IFT43: variants seen among roughly 807,000 people sequenced by gnomAD.
IFT43 encodes the protein intraflagellar transport 43.
Under a neutral mutation model 32.3 loss-of-function variants are expected in IFT43, and 33 were observed. That is an observed-to-expected ratio of 1.02 (90% CI 0.77 to 1.37). The LOEUF is 1.37. IFT43 is among the 40% of genes most tolerant of loss of function. IFT43 has a pLI of 0.00. For missense variants in IFT43, 274 were observed against 265.9 expected (o/e 1.03, Z -0.21); for synonymous variants, 93 against 98.2 (o/e 0.95, Z 0.31).
chr14:76,060,036 G>A (rs1437386246), intron 5 of IFT43, among the ~76,000 whole-genome samples: 1 of 152,172 alleles, frequency 6.6e-6, no homozygotes, highest in Non-Finnish European at 1.5e-5. Flanking sequence ...GTGACGCATA[G>A]TAGTTAGTTA....
chr14:76,023,175 T>G (rs1181136160), intron 3 of IFT43, among the ~76,000 whole-genome samples: 3 of 152,216 alleles, frequency 2.0e-5, no homozygotes, highest in Non-Finnish European at 2.9e-5. Context: ...GGTAAGATGT[T>G]TACCATGGCT....
intron 2 of IFT43, among the ~76,000 whole-genome samples, chr14:76,002,825 AG>A (rs953832442): frequency 1.3e-5 from 2 of 152,236 alleles, no homozygotes; most frequent in African/African-American, 4.8e-5. Flanking sequence ...TTGGGTTTGC[AG>A]GGTTTTAAAA....
chr14:76,002,686 A>G lies in IFT43; in HGVS notation c.147+13709A>G, dbSNP rs541763252. 1.4e-4 allele frequency among the ~76,000 whole-genome samples: 21 copies of G among 152,350 alleles called. No homozygotes were observed. The South Asian group carries it at 3.7e-3, about 27-fold the overall frequency. Reference sequence around the variant, plus strand: ...GTGTGTGCTCAGGGCATTGTTAGTGACAGGAATGAAGGAGAGAGGTGGTAT... The same window carrying G: ...GTGTGTGCTCAGGGCATTGTTAGTGGCAGGAATGAAGGAGAGAGGTGGTAT... On this transcript the variant is annotated intron_variant, in intron 2 of 8. Coordinates refer to ENST00000314067, the MANE Select transcript of IFT43 (RefSeq NM_001102564.3).
At chr14:76,013,051 TC>T (rs1009780205) in intron 2 of IFT43, among the ~76,000 whole-genome samples, 2 of 152,180 alleles carry the variant, frequency 1.3e-5, no homozygotes, top group African/African-American at 4.8e-5. Flanking sequence ...ACAGATGTCT[TC>T]CCAAGTGCTT....
intron 2 of IFT43, among the ~76,000 whole-genome samples, chr14:75,989,752 G>A (rs1360369459): frequency 2.0e-5 from 3 of 152,156 alleles, no homozygotes; most frequent in Non-Finnish European, 4.4e-5. Flanking sequence ...TTCCCAGACA[G>A]CAGGAAACCT....
intron 3 of IFT43, among the ~76,000 whole-genome samples, chr14:76,052,649 C>T (rs922898401): frequency 1.3e-5 from 2 of 152,088 alleles, no homozygotes; most frequent in African/African-American, 2.4e-5. Context: ...CAAATCACAC[C>T]GTCAAATGTC....
intron 1 of IFT43, 167 bp downstream of exon 1, chr14:75,986,007 G>GCTCCGCCGCTGCTGGC: frequency 6.6e-7 from 1 of 1,526,628 alleles, no homozygotes; most frequent in Non-Finnish European, 8.8e-7. Flanking sequence ...GCCACTGTGG[G>GCTCCGCCGCTGCTGGC]CTCCGCCGCT....
intron 5 of IFT43, chr14:76,076,757 A>G (rs892953878): frequency 1.9e-6 from 3 of 1,577,516 alleles, no homozygotes; most frequent in Non-Finnish European, 2.6e-6. Context: ...CTAGGTAATT[A>G]GCATTTTAGT....
intron 3 of IFT43, among the ~76,000 whole-genome samples, chr14:76,029,179 T>C (rs745454035): frequency 6.6e-6 from 1 of 152,196 alleles, no homozygotes; most frequent in Non-Finnish European, 1.5e-5. Flanking sequence ...TATGAGATGG[T>C]ATCTCATTGT....
chr14:76,049,531 TA>T lies in IFT43; in HGVS notation c.216-9103del, dbSNP rs922042552. On this transcript the variant is annotated intron_variant, in intron 3 of 8. Transcript: ENST00000314067. ...TCCATGAAGATGTAGAGTTTTCTTT[TA>T]AAAAAAATGTATTAAAACCAAGGAA... 2.8e-4 allele frequency among the ~76,000 whole-genome samples: 43 copies of T among 151,798 alleles called. No individual in the cohort carries two copies. The Middle Eastern group carries it at 0.01, about 36-fold the overall frequency.
At chr14:76,057,771 C>T (rs950381052) in intron 3 of IFT43, among the ~76,000 whole-genome samples, 1 of 152,122 alleles carries the variant, frequency 6.6e-6, no homozygotes, top group Non-Finnish European at 1.5e-5. Flanking sequence ...CTTCAAATAA[C>T]TCATTTAAAA....
chr14:76,027,601 C>T lies in IFT43; in HGVS notation c.215+5207C>T, dbSNP rs547980367. ...GCGGGTGCCTGTAGTCCCAGCTACT[C>T]GGGAGGCTGAGGCAGGAGAATGGTG... On this transcript the variant is annotated intron_variant, in intron 3 of 8. Coordinates refer to ENST00000314067, the MANE Select transcript of IFT43 (RefSeq NM_001102564.3). Among the ~76,000 whole-genome samples the T allele has an allele frequency of 7.3e-5, 11 of 150,328 alleles. No homozygotes were observed. The South Asian group carries it at 2.1e-3, about 29-fold the overall frequency.
At position 76,060,829 on chromosome 14, in the gene IFT43, T is replaced by TCTTCCTTC. The variant is rs145202057; in HGVS notation, c.295+1481_295+1488dup. Among the ~76,000 whole-genome samples the TCTTCCTTC allele has an allele frequency of 1.4e-4, 18 of 130,354 alleles. No individual in the cohort carries two copies. In the East Asian group the frequency reaches 1.6e-3, roughly 11 times the overall value. 85.5% of individuals were successfully genotyped at this position (130,354 alleles called of 152,430 possible). ...CCCTCCCTTCCTCCCTCCCTCCCTTTCTTCCTTCCTTCCTTCCTTCCTTCC... is the reference window on the plus strand; with the variant it reads ...CCCTCCCTTCCTCCCTCCCTCCCTTTCTTCCTTCCTTCCTTCCTTCCTTCCTTCCTTCC... On this transcript the variant is annotated intron_variant, in intron 5 of 8. Coordinates refer to ENST00000314067, the MANE Select transcript of IFT43 (RefSeq NM_001102564.3).
At chr14:76,052,672 A>G (rs906040693) in intron 3 of IFT43, among the ~76,000 whole-genome samples, 20 of 152,242 alleles carry the variant, frequency 1.3e-4, no homozygotes, top group Non-Finnish European at 1.6e-4. Flanking sequence ...TGTGGGCTCC[A>G]AATGCCAAAG....
chr14:76,014,850 T>C (rs2036153649), intron 2 of IFT43, among the ~76,000 whole-genome samples: 1 of 152,312 alleles, frequency 6.6e-6, no homozygotes, highest in Non-Finnish European at 1.5e-5. Context: ...GCTTCACCTT[T>C]GGACCCTGGA....
At chr14:76,037,328 A>G (rs1329212915) in intron 3 of IFT43, among the ~76,000 whole-genome samples, 2 of 152,208 alleles carry the variant, frequency 1.3e-5, no homozygotes, top group Non-Finnish European at 2.9e-5. Context: ...GTGATTGACC[A>G]GTGGGGGCAG....
chr14:76,033,526 T>C (rs1015080538), intron 3 of IFT43, among the ~76,000 whole-genome samples: 4 of 152,282 alleles, frequency 2.6e-5, no homozygotes, highest in African/African-American at 4.8e-5. Flanking sequence ...TCTTTTTTTT[T>C]CCATTCTTCA....
At chr14:76,059,014 A>C in intron 4 of IFT43, 1 of 1,423,652 alleles carries the variant, frequency 7.0e-7, no homozygotes, top group Non-Finnish European at 9.1e-7. Flanking sequence ...GACTTATATC[A>C]GAAAAGAAAG....
At chr14:76,054,422 T>C (rs1328487882) in intron 3 of IFT43, among the ~76,000 whole-genome samples, 1 of 152,152 alleles carries the variant, frequency 6.6e-6, no homozygotes, top group East Asian at 1.9e-4. Context: ...TGAGGCAAAG[T>C]GTTTGGAATC....
Sources: allele counts gnomAD v4.1 joint callset (sites outside exome capture counted in the v4.1 genomes callset), GRCh38; gene constraint gnomAD v4.1.1; transcripts MANE v1.5; gene names NCBI Gene and HGNC (gene_info 2026-07-23, HGNC 2026-07-21).